The following LIMK1 variants were observed in gnomAD, a reference collection of about 807,000 sequenced individuals.
The protein encoded by LIMK1 is LIM motif-containing protein kinase.
LIMK1 carries 21 observed loss-of-function variants against 77.6 expected under a neutral mutation model. The ratio of observed to expected loss-of-function variants is 0.27; its 90% confidence interval spans 0.19 to 0.39. The LOEUF is 0.39. Among genes scored for constraint, LIMK1 ranks in the 10% least tolerant of loss-of-function variants. The probability of loss-of-function intolerance (pLI) is 1.00; values close to 1 mark genes in which losing one functional copy is unlikely to be tolerated. For synonymous variants in LIMK1, 358 were observed against 370.0 expected (o/e 0.97, Z 0.37); for missense variants, 696 against 901.6 (o/e 0.77, Z 2.92).
chr7:74,121,252 A>G lies in LIMK1; in HGVS notation c.1895A>G (p.Tyr632Cys), dbSNP rs2115775163. The G allele has an allele frequency of 6.2e-7, 1 of 1,613,170 alleles. No individual in the cohort carries two copies. Among genetic ancestry groups the G allele is most frequent in the Non-Finnish European group, 8.5e-7 (1 of 1,179,858 alleles). Residue 632 changes from tyrosine to cysteine, a missense_variant, in exon 16 of 16, where the codon TAC becomes TGC. Physicochemically the swap from Tyr to Cys is radical, Grantham distance 194 (BLOSUM62 -2). Transcript: ENST00000336180. ...EQLDRGFWET[Y>C]RRGESGLPAH... ...CTGGACAGAGGTTTCTGGGAGACCTACCGGCGCGGCGAGAGCGGACTGCCT... is the reference window on the plus strand; with the variant it reads ...CTGGACAGAGGTTTCTGGGAGACCTGCCGGCGCGGCGAGAGCGGACTGCCT...
intron 5 of LIMK1, among the ~76,000 whole-genome samples, chr7:74,102,385 C>T (rs532589195): frequency 6.6e-6 from 1 of 150,734 alleles, no homozygotes; most frequent in African/African-American, 2.4e-5. Flanking sequence ...TTTGTACATA[C>T]ATGTACATGT....
intron 5 of LIMK1, among the ~76,000 whole-genome samples, chr7:74,099,601 GTGCC>G (rs1799414149): frequency 6.6e-6 from 1 of 151,766 alleles, no homozygotes; most frequent in Non-Finnish European, 1.5e-5. Context: ...ATGGTAGTGT[GTGCC>G]TATAGTGCCA....
chr7:74,099,213 C>A lies in LIMK1; in HGVS notation c.583C>A (p.His195Asn), dbSNP rs1430502129. The change falls in exon 5 of 16, where the codon CAC becomes AAC. Residue 195 changes from histidine to asparagine, a missense_variant. His to Asn is a moderately conservative substitution (Grantham distance 68). Coordinates refer to ENST00000336180, the MANE Select transcript of LIMK1 (RefSeq NM_002314.4). ...CGGCCCACCGGGCTGTGGCACCGAG[C>A]ACTCACACACCGTCCGCGTCCAGGG... ...PHGPPGCGTE[H>N]SHTVRVQGVD... The A allele has an allele frequency of 2.5e-6, 4 of 1,607,702 alleles. No individual in the cohort carries two copies. The highest frequency in any genetic ancestry group is 8.5e-7 in the Non-Finnish European group (1 of 1,179,996).
intron 3 of LIMK1, 107 bp downstream of exon 3, chr7:74,096,867 G>A (rs1799346703): frequency 2.9e-6 from 4 of 1,388,732 alleles, no homozygotes; most frequent in Non-Finnish European, 3.9e-6. Context: ...CCTTTTTGCT[G>A]GTCTTTGGAG....
intron 5 of LIMK1, among the ~76,000 whole-genome samples, chr7:74,102,760 A>G (rs1172284269): frequency 2.0e-5 from 3 of 151,576 alleles, no homozygotes; most frequent in Non-Finnish European, 4.4e-5. Context: ...AATTTTGCCT[A>G]TTGTCTCTAT....
At chr7:74,115,518 GGTCCGCCACGAC>G (rs1799788209) in intron 12 of LIMK1, 1 of 389,842 alleles carries the variant, frequency 2.6e-6, no homozygotes, top group Non-Finnish European at 4.7e-6. Flanking sequence ...GGGAGCAGTG[GGTCCGCCACGAC>G]GGTCTGGGGA....
chr7:74,113,370 A>T (rs1799741909), intron 12 of LIMK1, among the ~76,000 whole-genome samples: 1 of 152,104 alleles, frequency 6.6e-6, no homozygotes, highest in East Asian at 1.9e-4. Flanking sequence ...TCACGCCTGT[A>T]ATCCCAGCAC....
At chr7:74,096,371 T>C (rs371179605) in intron 2 of LIMK1, among the ~76,000 whole-genome samples, 3 of 151,848 alleles carry the variant, frequency 2.0e-5, no homozygotes, top group African/African-American at 4.8e-5. Flanking sequence ...CATGGTGGTG[T>C]GTGCCTGTAG....
intron 5 of LIMK1, among the ~76,000 whole-genome samples, 180 bp from the exon 6 acceptor site, chr7:74,105,695 T>C (rs1444408169): frequency 6.6e-6 from 1 of 152,052 alleles, no homozygotes; most frequent in Non-Finnish European, 1.5e-5. Context: ...ACATCAGTAA[T>C]TGATTACAGA....
rs1019102331 is a variant in LIMK1, at chr7:74,121,382, G to A, written c.*81G>A. On this transcript the variant is annotated 3_prime_UTR_variant, in exon 16 of 16. Coordinates refer to ENST00000336180, the MANE Select transcript of LIMK1 (RefSeq NM_002314.4). ...ATTCCTCCGCGGGAGGTGGCCCTCA[G>A]CTGGGACAGTGGGGACCCAGGCTTC... is the stretch of plus-strand genomic sequence containing the variant. 23 of 1,368,476 alleles carry A rather than the reference G, an allele frequency of 1.7e-5. No individual in the cohort carries two copies. The highest frequency in any genetic ancestry group is 2.0e-5 in the Non-Finnish European group (20 of 1,022,844). The allele number at this position is 1,368,476 out of a possible 1,614,324, so 84.8% of individuals were successfully genotyped here.
At chr7:74,113,323 C>CA (rs1371460588) in intron 12 of LIMK1, among the ~76,000 whole-genome samples, 13 of 151,330 alleles carry the variant, frequency 8.6e-5, no homozygotes, top group Admixed American at 3.3e-4. Context: ...GACCCTGTCT[C>CA]AAAAAAACAA....
At chr7:74,088,005 G>C (rs536070214) in intron 2 of LIMK1, among the ~76,000 whole-genome samples, 6 of 152,046 alleles carry the variant, frequency 3.9e-5, no homozygotes, top group Non-Finnish European at 7.4e-5. Flanking sequence ...GCTCCAACTG[G>C]TTCAAGCGAT....
chr7:74,115,830 G>T lies in LIMK1; in HGVS notation c.1439G>T (p.Gly480Val). The change falls in exon 13 of 16, where the codon GGG (glycine) becomes GTG (valine). Residue 480 changes from glycine (G) to valine (V), a missense_variant. Transcript: ENST00000336180. ...ENKNVVVADFGLARLMVDEKT... is the reference protein window; with the variant it reads ...ENKNVVVADFVLARLMVDEKT... ...AAGAATGTGGTGGTGGCTGACTTCG[G>T]GCTGGCGCGTCTCATGGTGGACGAG... 2 of 1,614,152 alleles carry T rather than the reference G, an allele frequency of 1.2e-6. No individual in the cohort carries two copies. Among genetic ancestry groups the T allele is most frequent in the Non-Finnish European group, 1.7e-6 (2 of 1,180,018 alleles).
In LIMK1 at chr7:74,107,036, C is replaced by T. The variant is rs1732055655; in HGVS notation, c.908C>T (p.Pro303Leu). 4.4e-6 allele frequency: 7 copies of T among 1,598,832 alleles called. No individual in the cohort carries two copies. Among genetic ancestry groups the T allele is most frequent in the South Asian group, 1.1e-5 (1 of 88,720 alleles). ...AGGAGCTGCAGCATCGACAGGTCTC[C>T]GGGCGCTGGCTCACTGGGCTCCCCG... ...VLRSCSIDRS[P>L]GAGSLGSPAS... Residue 303 changes from proline (P) to leucine (L), a missense_variant, in exon 8 of 16, where the codon CCG becomes CTG. Pro to Leu is a moderately conservative substitution (Grantham distance 98, BLOSUM62 -3). Coordinates refer to ENST00000336180, the MANE Select transcript of LIMK1 (RefSeq NM_002314.4).
chr7:74,095,272 C>A (rs1432484690), intron 2 of LIMK1, among the ~76,000 whole-genome samples: 9 of 152,172 alleles, frequency 5.9e-5, no homozygotes, highest in African/African-American at 2.2e-4. Flanking sequence ...ACATAGCACC[C>A]AAACAGTGGC....
At position 74,085,818 on chromosome 7, in the gene LIMK1, C is replaced by G; in HGVS notation, c.126C>G (p.Asn42Lys). The G allele has an allele frequency of 6.4e-7, 1 of 1,559,412 alleles. No homozygotes were observed. The highest frequency in any genetic ancestry group is 8.7e-7 in the Non-Finnish European group (1 of 1,151,700). Residue 42 changes from asparagine (N) to lysine (K), a missense_variant, in exon 2 of 16, where the codon AAC becomes AAG. Physicochemically the swap from Asn to Lys is moderately conservative, Grantham distance 94. This residue lies in a region of LIMK1 where 252 missense variants were observed against 279.4 expected (regional missense o/e 0.90). Coordinates refer to ENST00000336180, the MANE Select transcript of LIMK1 (RefSeq NM_002314.4). ...IYDGQYLQAL[N>K]ADWHADCFRC... ...ATGGCCAGTACCTCCAGGCCCTGAA[C>G]GCGGACTGGCACGCAGACTGCTTCA...
intron 4 of LIMK1, among the ~76,000 whole-genome samples, chr7:74,098,442 C>T (rs782080844): frequency 2.6e-5 from 4 of 152,154 alleles, no homozygotes; most frequent in Admixed American, 6.5e-5. Flanking sequence ...CAGGCCTTGT[C>T]CTGGCCGCCT....
chr7:74,092,856 GGCAGCT>G (rs1554694983), intron 2 of LIMK1, among the ~76,000 whole-genome samples: 1 of 152,172 alleles, frequency 6.6e-6, no homozygotes, highest in African/African-American at 2.4e-5. Context: ...CAGTGGAAGA[GGCAGCT>G]GCTTTTGAGC....
chr7:74,117,039 G>A (rs931056689), intron 13 of LIMK1, among the ~76,000 whole-genome samples: 19 of 151,864 alleles, frequency 1.3e-4, no homozygotes, highest in African/African-American at 1.9e-4. Flanking sequence ...CCGCCAACAC[G>A]CCTGGCTAAT....
Sources: allele counts gnomAD v4.1 joint callset (sites outside exome capture counted in the v4.1 genomes callset), GRCh38; gene constraint gnomAD v4.1.1; regional missense constraint gnomAD v4.1.1; transcripts MANE v1.5; gene names NCBI Gene and HGNC (gene_info 2026-07-23, HGNC 2026-07-21).